The following SGCD variants were observed in gnomAD, a reference collection of about 807,000 sequenced individuals.
The protein encoded by SGCD is delta-sarcoglycan.
SGCD carries 18 observed loss-of-function variants against 36.6 expected under a neutral mutation model. That is an observed-to-expected ratio of 0.49 (90% confidence interval 0.34 to 0.73). The LOEUF (loss-of-function observed/expected upper bound fraction) is 0.73, where lower values mean the gene tolerates loss of function less well. Among genes scored for constraint, SGCD ranks in the 30% least tolerant of loss-of-function variants. SGCD has a pLI of 0.01. For missense variants in SGCD, 387 were observed against 346.7 expected, an observed-to-expected ratio of 1.12 and a Z score of -0.92; for synonymous variants, 133 against 130.6, an observed-to-expected ratio of 1.02 and a Z score of -0.12.
At chr5:156,438,967 G>A (rs1317579650) in intron 3 of SGCD, among the ~76,000 whole-genome samples, 1 of 152,094 alleles carries the variant, frequency 6.6e-6, no homozygotes, top group Non-Finnish European at 1.5e-5. Context: ...AATTGTAGGG[G>A]CATTGAAGGC....
At chr5:156,110,716 T>C (rs1401781068) in intron 1 of SGCD, among the ~76,000 whole-genome samples, 1 of 152,196 alleles carries the variant, frequency 6.6e-6, no homozygotes, top group Non-Finnish European at 1.5e-5. Context: ...AATATAATGA[T>C]TTGTTCCATT....
chr5:156,220,396 A>C (rs1764687634), intron 3 of SGCD, among the ~76,000 whole-genome samples: 1 of 152,182 alleles, frequency 6.6e-6, no homozygotes, highest in African/African-American at 2.4e-5. Flanking sequence ...AGTCTATTAA[A>C]TAGATCAGCT....
intron 1 of SGCD, among the ~76,000 whole-genome samples, chr5:155,870,861 C>A (rs1221159771): frequency 6.6e-6 from 1 of 152,162 alleles, no homozygotes; most frequent in Non-Finnish European, 1.5e-5. Context: ...TTACGGGTCA[C>A]AACACGCGAT....
At chr5:156,655,925 A>C (rs1355705559) in intron 7 of SGCD, among the ~76,000 whole-genome samples, 1 of 152,130 alleles carries the variant, frequency 6.6e-6, no homozygotes, top group Non-Finnish European at 1.5e-5. Flanking sequence ...TGTATTTTCC[A>C]TAGGAACAGA....
intron 7 of SGCD, among the ~76,000 whole-genome samples, chr5:156,739,030 A>AAGTT (rs1756524749): frequency 6.6e-6 from 1 of 152,200 alleles, no homozygotes; most frequent in Admixed American, 6.5e-5. Flanking sequence ...AATTGCTAAT[A>AAGTT]AGTTAGAAGT....
chr5:156,669,240 C>T (rs1753191598), intron 7 of SGCD, among the ~76,000 whole-genome samples: 1 of 152,114 alleles, frequency 6.6e-6, no homozygotes, highest in Non-Finnish European at 1.5e-5. Flanking sequence ...GTCCAGAGAT[C>T]CCACCACCAA....
At chr5:156,640,049 C>T (rs751523366) in intron 6 of SGCD, among the ~76,000 whole-genome samples, 1 of 152,142 alleles carries the variant, frequency 6.6e-6, no homozygotes, top group African/African-American at 2.4e-5. Flanking sequence ...TTCGCAGGTC[C>T]TCTGATGCTA....
At chr5:156,384,243 T>A (rs191267010) in intron 3 of SGCD, among the ~76,000 whole-genome samples, 183 of 152,338 alleles carry the variant, frequency 1.2e-3, no homozygotes, top group Non-Finnish European at 1.8e-3. Context: ...GTCTTCCTAC[T>A]TCGTTAGTCT....
At chr5:156,671,132 T>C (rs1418282651) in intron 7 of SGCD, among the ~76,000 whole-genome samples, 2 of 151,804 alleles carry the variant, frequency 1.3e-5, no homozygotes, top group Non-Finnish European at 2.9e-5. Flanking sequence ...TCTTTTTGAG[T>C]CTATTAATAA....
chr5:156,174,329 G>GA (rs1470909039), intron 3 of SGCD, among the ~76,000 whole-genome samples: 1 of 152,186 alleles, frequency 6.6e-6, no homozygotes, highest in Non-Finnish European at 1.5e-5. Flanking sequence ...AGTGGTAAAG[G>GA]AATCTAAGGA....
At chr5:156,401,400 A>G (rs985954424) in intron 3 of SGCD, among the ~76,000 whole-genome samples, 1 of 152,238 alleles carries the variant, frequency 6.6e-6, no homozygotes, top group African/African-American at 2.4e-5. Flanking sequence ...TATTCATTCA[A>G]CAAGGTAGGT....
the SGCD span, among the ~76,000 whole-genome samples, chr5:155,856,282 G>A: frequency 2.6e-5 from 4 of 151,996 alleles, no homozygotes; most frequent in African/African-American, 9.7e-5. Flanking sequence ...ATAAAATACA[G>A]TAATAAAAAC....
chr5:155,960,503 CA>C (rs1401720185), intron 1 of SGCD, among the ~76,000 whole-genome samples: 1 of 151,962 alleles, frequency 6.6e-6, no homozygotes, highest in East Asian at 1.9e-4. Flanking sequence ...AATCCTTTGA[CA>C]AAAACAGTAG....
rs567046512 is a variant in SGCD, at chr5:156,220,856, T to C, written c.-44+96837T>C. 2.0e-5 allele frequency among the ~76,000 whole-genome samples: 3 copies of C among 152,300 alleles called. No individual in the cohort carries two copies. The South Asian group carries it at 6.2e-4, about 32-fold the overall frequency. On this transcript the variant is annotated intron_variant, in intron 3 of 9. Coordinates refer to the SGCD transcript ENST00000517913. Reference sequence around the variant, plus strand: ...TCTTCCTTTAACTGAATTTAATACTTGTTGTGCATAGCAACAGGGAGTTAG... The same window carrying C: ...TCTTCCTTTAACTGAATTTAATACTCGTTGTGCATAGCAACAGGGAGTTAG...
intron 3 of SGCD, among the ~76,000 whole-genome samples, chr5:156,200,576 G>T (rs989251614): frequency 1.3e-5 from 2 of 152,072 alleles, no homozygotes; most frequent in Non-Finnish European, 2.9e-5. Context: ...AAACATGGCA[G>T]AAAATGTTCA....
intron 1 of SGCD, among the ~76,000 whole-genome samples, chr5:155,913,652 T>C (rs1449346414): frequency 6.6e-6 from 1 of 152,136 alleles, no homozygotes; most frequent in Non-Finnish European, 1.5e-5. Context: ...ACCTTGAGAG[T>C]CAGAAAAGTG....
intron 7 of SGCD, among the ~76,000 whole-genome samples, chr5:156,749,452 G>A (rs939497769): frequency 6.6e-6 from 1 of 151,984 alleles, no homozygotes; most frequent in East Asian, 1.9e-4. Context: ...AGATCAGATT[G>A]ACAAACCCAA....
intron 1 of SGCD, among the ~76,000 whole-genome samples, chr5:156,034,970 CCTT>C (rs35726955): frequency 6.6e-6 from 1 of 152,228 alleles, no homozygotes; most frequent in South Asian, 2.1e-4. Flanking sequence ...TTTGTGAACA[CCTT>C]CTAATATCAT....
intron 3 of SGCD, among the ~76,000 whole-genome samples, chr5:156,257,624 G>A (rs940503588): frequency 1.3e-5 from 2 of 152,164 alleles, no homozygotes; most frequent in Non-Finnish European, 2.9e-5. Flanking sequence ...AGCACTTTGG[G>A]AGGCTGTGGC....
Sources: allele counts gnomAD v4.1 joint callset (sites outside exome capture counted in the v4.1 genomes callset), GRCh38; gene constraint gnomAD v4.1.1; transcripts MANE v1.5; gene names NCBI Gene and HGNC (gene_info 2026-07-23, HGNC 2026-07-21).